Variants in RASGRF2 observed in about 807,000 individuals in gnomAD.
The protein encoded by RASGRF2 is Ras protein specific guanine nucleotide releasing factor 2.
Under a neutral mutation model 151.0 loss-of-function variants are expected in RASGRF2, and 76 were observed. The observed-to-expected ratio is 0.50, with a 90% CI of 0.42 to 0.61. The LOEUF (loss-of-function observed/expected upper bound fraction) is 0.61, where lower values mean the gene tolerates loss of function less well. Ranked by LOEUF, RASGRF2 falls within the 20% of genes least tolerant of loss-of-function variation. The pLI is 0.00. For missense variants in RASGRF2, 1,148 were observed against 1,564.6 expected (o/e 0.73, Z 4.49); for synonymous variants, 504 against 566.5 (o/e 0.89, Z 1.57).
intron 12 of RASGRF2, among the ~76,000 whole-genome samples, chr5:81,103,092 A>G (rs778242490): frequency 7.9e-5 from 12 of 152,158 alleles, no homozygotes; most frequent in Non-Finnish European, 1.5e-5. Context: ...AGAGATCACT[A>G]TGCAAAAAAT....
chr5:81,216,356 C>CCT lies in RASGRF2; in HGVS notation c.3434+401_3434+402insCT, dbSNP rs777878000. Among the ~76,000 whole-genome samples the CCT allele has an allele frequency of 2.9e-4, 38 of 129,486 alleles. 1 individual carries two copies. Among genetic ancestry groups the CCT allele is most frequent in the African/African-American group, 1.1e-3 (38 of 33,968 alleles). The allele number at this position is 129,486 out of a possible 152,430, so 84.9% of individuals were successfully genotyped here. ...CTAGATTATTCCCTTTCTACACACA[C>CCT]ACACACACACACGCACACACACACA... On this transcript the variant is annotated intron_variant, in intron 24 of 26. Transcript: ENST00000265080.
intron 1 of RASGRF2, among the ~76,000 whole-genome samples, chr5:81,011,987 C>T (rs16878303): frequency 0.066 from 9,993 of 152,192 alleles, 523 homozygotes; most frequent in African/African-American, 0.15. Context: ...AGCTCTACAA[C>T]GTTGCTGGTG....
rs537361706 is a variant in RASGRF2 at position 80,961,096 on chromosome 5, G to C, written c.288+70G>C. The C allele has an allele frequency of 3.6e-6, 5 of 1,378,146 alleles. No homozygotes were observed. The East Asian group carries it at 7.9e-5, about 22-fold the overall frequency. 85.4% of individuals were successfully genotyped at this position (1,378,146 alleles called of 1,614,324 possible). The stretch of plus-strand genomic sequence containing the variant: ...CACTCCCTTGCCGTCCTAATCCGGG[G>C]ATCAGGGGTCGGGGGTCGTGAAAGA... On this transcript the variant is annotated intron_variant, in intron 1 of 26. Coordinates refer to ENST00000265080, the MANE Select transcript of RASGRF2 (RefSeq NM_006909.3).
chr5:81,003,395 T>C (rs1749152079), intron 1 of RASGRF2, among the ~76,000 whole-genome samples: 1 of 152,108 alleles, frequency 6.6e-6, no homozygotes, highest in African/African-American at 2.4e-5. Flanking sequence ...CCTAATTTTT[T>C]TGTATTTTTA....
chr5:81,115,945 G>T (rs908262628), intron 15 of RASGRF2, among the ~76,000 whole-genome samples: 4 of 151,936 alleles, frequency 2.6e-5, no homozygotes, highest in African/African-American at 9.7e-5. Flanking sequence ...GCAGAATTAA[G>T]AAGTGTCTTT....
chr5:81,031,894 G>T (rs1318828683), intron 1 of RASGRF2, among the ~76,000 whole-genome samples: 1 of 152,062 alleles, frequency 6.6e-6, no homozygotes, highest in Non-Finnish European at 1.5e-5. Flanking sequence ...AAAATTGATA[G>T]ACCGCTAGCA....
intron 4 of RASGRF2, among the ~76,000 whole-genome samples, chr5:81,072,369 C>T (rs545351634): frequency 6.6e-6 from 1 of 152,120 alleles, no homozygotes; most frequent in African/African-American, 2.4e-5. Flanking sequence ...GAATTTTAGA[C>T]ATTGCAAAAG....
rs182457264 is a variant in RASGRF2, at chr5:81,117,868, A to C, written c.2470+3948A>C. On this transcript the variant is annotated intron_variant, in intron 15 of 26. Transcript: ENST00000265080. ...AAAAGGGAAAAGTAGGCAAAAAGAA[A>C]GGTATAACATGCCTCAAGTAAGTCT... is the stretch of plus-strand genomic sequence containing the variant. Among the ~76,000 whole-genome samples, 87 of 152,350 alleles carry C rather than the reference A, an allele frequency of 5.7e-4. No individual in the cohort carries two copies. The Middle Eastern group carries it at 0.01, about 18-fold the overall frequency.
intron 17 of RASGRF2, among the ~76,000 whole-genome samples, chr5:81,132,255 A>C (rs1223196136): frequency 6.6e-6 from 1 of 152,226 alleles, no homozygotes; most frequent in Non-Finnish European, 1.5e-5. Flanking sequence ...TGCTTACCGA[A>C]TTAATGAATC....
At chr5:81,100,776 A>T (rs977434794) in intron 12 of RASGRF2, among the ~76,000 whole-genome samples, 1 of 152,210 alleles carries the variant, frequency 6.6e-6, no homozygotes, top group Non-Finnish European at 1.5e-5. Flanking sequence ...CACACTGGAC[A>T]TGCTTTCTCC....
At chr5:81,081,186 G>T (rs2112478704) in intron 7 of RASGRF2, among the ~76,000 whole-genome samples, 1 of 152,250 alleles carries the variant, frequency 6.6e-6, no homozygotes, top group East Asian at 1.9e-4. Context: ...AAGATTCTTG[G>T]GGACGGAGTG....
intron 1 of RASGRF2, among the ~76,000 whole-genome samples, chr5:80,985,345 T>C (rs1168783377): frequency 6.6e-6 from 1 of 152,266 alleles, no homozygotes; most frequent in East Asian, 1.9e-4. Flanking sequence ...TGGTCTATTT[T>C]TCTGTAGTAG....
chr5:81,111,978 A>AT (rs1164166164), intron 13 of RASGRF2, among the ~76,000 whole-genome samples: 1 of 152,232 alleles, frequency 6.6e-6, no homozygotes, highest in Non-Finnish European at 1.5e-5. Flanking sequence ...GGCATAAGCA[A>AT]TGCTTTCCCC....
intron 1 of RASGRF2, among the ~76,000 whole-genome samples, chr5:81,025,441 G>GGT (rs1273310802): frequency 1.3e-5 from 2 of 152,168 alleles, no homozygotes; most frequent in African/African-American, 4.8e-5. Flanking sequence ...CCTTCCCCAG[G>GGT]GTGTGTGTGT....
intron 1 of RASGRF2, among the ~76,000 whole-genome samples, chr5:81,012,188 C>T (rs2112316706): frequency 6.6e-6 from 1 of 152,268 alleles, no homozygotes; most frequent in Non-Finnish European, 1.5e-5. Flanking sequence ...CCCCATTTGC[C>T]TTTATACTCT....
At chr5:80,975,420 C>T (rs1292696485) in intron 1 of RASGRF2, among the ~76,000 whole-genome samples, 1 of 151,868 alleles carries the variant, frequency 6.6e-6, no homozygotes, top group Non-Finnish European at 1.5e-5. Flanking sequence ...TACTACTTAG[C>T]CAGGAGTTTT....
chr5:81,182,544 T>C (rs1754939653), intron 18 of RASGRF2, among the ~76,000 whole-genome samples: 1 of 152,220 alleles, frequency 6.6e-6, no homozygotes, highest in South Asian at 2.1e-4. Context: ...TTTCTTCCTT[T>C]TACTGACTCA....
intron 2 of RASGRF2, among the ~76,000 whole-genome samples, chr5:81,054,935 A>G (rs1178175467): frequency 2.0e-5 from 3 of 152,046 alleles, no homozygotes; most frequent in Non-Finnish European, 4.4e-5. Context: ...TTTGCTTGTT[A>G]TTGGTGTATA....
intron 17 of RASGRF2, among the ~76,000 whole-genome samples, chr5:81,130,462 GC>G (rs1302241380): frequency 6.6e-6 from 1 of 152,166 alleles, no homozygotes; most frequent in Non-Finnish European, 1.5e-5. Flanking sequence ...CATTCCTGGG[GC>G]TCAGCCACTC....
Sources: allele counts gnomAD v4.1 joint callset (sites outside exome capture counted in the v4.1 genomes callset), GRCh38; gene constraint gnomAD v4.1.1; transcripts MANE v1.5; gene names NCBI Gene and HGNC (gene_info 2026-07-23, HGNC 2026-07-21).